MAP2K5: variants seen among roughly 807,000 people sequenced by gnomAD.
MAP2K5 encodes the protein mitogen-activated protein kinase kinase 5, also known as dual specificity mitogen-activated protein kinase kinase 5.
Under a neutral mutation model 83.1 loss-of-function variants are expected in MAP2K5, and 49 were observed. The observed-to-expected ratio is 0.59, with a 90% CI of 0.47 to 0.75. The LOEUF (loss-of-function observed/expected upper bound fraction) is 0.75, where lower values mean the gene tolerates loss of function less well. Ranked by LOEUF, MAP2K5 falls within the 30% of genes least tolerant of loss-of-function variation. The pLI is 0.00. For synonymous variants in MAP2K5, 202 were observed against 191.8 expected, an observed-to-expected ratio of 1.05 and a Z score of -0.44; for missense variants, 457 against 557.5, an observed-to-expected ratio of 0.82 and a Z score of 1.82.
chr15:67,624,145 C>G (rs987198920), intron 8 of MAP2K5, among the ~76,000 whole-genome samples: 1 of 151,360 alleles, frequency 6.6e-6, no homozygotes, highest in Admixed American at 6.6e-5. Flanking sequence ...CGAGACCATC[C>G]TGGCTAACAC....
chr15:67,731,009 A>C (rs760773879), intron 17 of MAP2K5, among the ~76,000 whole-genome samples: 1 of 152,206 alleles, frequency 6.6e-6, no homozygotes, highest in African/African-American at 2.4e-5. Flanking sequence ...ATCAAATGAG[A>C]CTATGGATAT....
rs2090109721 is a variant in MAP2K5, at chr15:67,769,876, T to G, written c.1196+213T>G. 4.5e-6 allele frequency: 2 copies of G among 444,766 alleles called. No individual in the cohort carries two copies. The highest frequency in any genetic ancestry group is 7.9e-5 in the Admixed American group (2 of 25,232). 27.6% of individuals were successfully genotyped at this position (444,766 alleles called of 1,614,324 possible). A position where few individuals can be genotyped will look rare whatever the true frequency, so the allele number is the denominator to read the frequency against. On this transcript the variant is annotated intron_variant, in intron 20 of 21. Transcript: ENST00000178640. This position sits in a 1 kb window ranked among gnomAD's most constrained non-coding sequence, Gnocchi z 5.2. ...GGGTCATAAGCATACTTCAGAGCCT[T>G]TTTCCTGATTTAATAAACTGCTGAA...
chr15:67,656,872 C>G (rs1169823007), intron 11 of MAP2K5, among the ~76,000 whole-genome samples: 1 of 152,066 alleles, frequency 6.6e-6, no homozygotes, highest in Non-Finnish European at 1.5e-5. Flanking sequence ...AAAATTAAAC[C>G]AACCCCTTCT....
intron 8 of MAP2K5, among the ~76,000 whole-genome samples, chr15:67,624,618 TGTGTGTGTGTGTGTGTGTGTGA>T (rs2086270199): frequency 1.3e-5 from 2 of 150,824 alleles, no homozygotes; most frequent in Admixed American, 1.3e-4. Context: ...TGTGTGTGTG[TGTGTGTGTGTGTGTGTGTGTGA>T]GTGTGTTTGA....
chr15:67,643,596 G>A (rs950647449), intron 9 of MAP2K5, among the ~76,000 whole-genome samples: 1 of 152,046 alleles, frequency 6.6e-6, no homozygotes, highest in African/African-American at 2.4e-5. Context: ...ACAGGTGCCC[G>A]CCACCACACC....
intron 8 of MAP2K5, among the ~76,000 whole-genome samples, chr15:67,602,548 T>C (rs2085683015): frequency 6.6e-6 from 1 of 152,218 alleles, no homozygotes. Context: ...AGCTTATTTC[T>C]AGAAGGGAAG....
intron 11 of MAP2K5, among the ~76,000 whole-genome samples, chr15:67,655,448 A>G (rs985903740): frequency 1.3e-5 from 2 of 152,172 alleles, no homozygotes; most frequent in African/African-American, 4.8e-5. Flanking sequence ...ATTTGAGAGT[A>G]TCTTAATTTC....
chr15:67,543,517 G>T lies in MAP2K5; in HGVS notation c.135+47G>T, dbSNP rs1345563512. 1 of 1,610,698 alleles carries T rather than the reference G, an allele frequency of 6.2e-7. No individual in the cohort carries two copies. Among genetic ancestry groups the T allele is most frequent in the South Asian group, 1.1e-5 (1 of 90,892 alleles). Reference sequence around the variant, plus strand: ...CGGATGCCAGCAAGGGGGACTCAGGGACTTGAGTAGTCAGCACCTTGACCA... The same window carrying T: ...CGGATGCCAGCAAGGGGGACTCAGGTACTTGAGTAGTCAGCACCTTGACCA... On this transcript the variant is annotated intron_variant, in intron 1 of 21. Transcript: ENST00000178640. This position sits in a 1 kb window ranked among gnomAD's most constrained non-coding sequence, Gnocchi z 4.3.
chr15:67,648,939 T>G (rs1163097129), intron 11 of MAP2K5, among the ~76,000 whole-genome samples: 1 of 152,204 alleles, frequency 6.6e-6, no homozygotes, highest in Non-Finnish European at 1.5e-5. Context: ...ATATGGTAGC[T>G]TTATGTTTAA....
chr15:67,692,413 C>CT, intron 13 of MAP2K5, 66 bp from the exon 14 acceptor site: 1 of 1,125,124 alleles, frequency 8.9e-7, no homozygotes, highest in Non-Finnish European at 1.4e-6. Context: ...TGCATGTGTG[C>CT]TTTTAAAGAA....
intron 9 of MAP2K5, among the ~76,000 whole-genome samples, chr15:67,635,440 G>A (rs2086582354): frequency 1.3e-5 from 2 of 152,206 alleles, no homozygotes; most frequent in East Asian, 1.9e-4. Flanking sequence ...CTCCCAAAGT[G>A]CAGGGATTAC....
rs1233241532 is a variant in MAP2K5, at chr15:67,774,726, T to C, written c.1242+1974T>C. Among the ~76,000 whole-genome samples the C allele has an allele frequency of 6.6e-6, 1 of 152,232 alleles. No homozygotes were observed. The highest frequency in any genetic ancestry group is 1.5e-5 in the Non-Finnish European group (1 of 68,036). ...TGGAAGCCGAGAGACTCCTCTGGAA[T>C]GCATGAACTATAGAGCCCATTTGTC... On this transcript the variant is annotated intron_variant, in intron 21 of 21. Transcript: ENST00000178640. The surrounding 1 kb of genome is among the most constrained non-coding windows in gnomAD (Gnocchi z 4.9).
In MAP2K5 at chr15:67,748,386, C is replaced by A; in HGVS notation, c.1101+129C>A. The A allele has an allele frequency of 1.1e-6, 1 of 884,900 alleles. No individual in the cohort carries two copies. The highest frequency in any genetic ancestry group is 1.8e-6 in the Non-Finnish European group (1 of 549,014). The allele number at this position is 884,900 out of a possible 1,614,324, so 54.8% of individuals were successfully genotyped here. On this transcript the variant is annotated intron_variant, in intron 18 of 21. Coordinates refer to ENST00000178640, the MANE Select transcript of MAP2K5 (RefSeq NM_145160.3). This position sits in a 1 kb window ranked among gnomAD's most constrained non-coding sequence, Gnocchi z 4.0. ...GAAGAAAATGCAAACCTTTAACTGC[C>A]TGTATTAGATTAGGTACCATTAGAA... is the stretch of plus-strand genomic sequence containing the variant.
At chr15:67,604,526 TTAGC>T (rs2085735424) in intron 8 of MAP2K5, among the ~76,000 whole-genome samples, 2 of 152,216 alleles carry the variant, frequency 1.3e-5, no homozygotes, top group South Asian at 4.1e-4. Flanking sequence ...CTGTCACTAA[TTAGC>T]TACGTAACCT....
chr15:67,754,300 T>A (rs1308333494), intron 19 of MAP2K5, among the ~76,000 whole-genome samples: 1 of 152,236 alleles, frequency 6.6e-6, no homozygotes, highest in Non-Finnish European at 1.5e-5. Context: ...AGCAAAGAGT[T>A]TCTCTGTGAT....
In MAP2K5 at chr15:67,782,166, C is replaced by T. The variant is rs1286081919; in HGVS notation, c.1242+9414C>T. Among the ~76,000 whole-genome samples, 1 of 152,182 alleles carries T rather than the reference C, an allele frequency of 6.6e-6. No homozygotes were observed. Among genetic ancestry groups the T allele is most frequent in the East Asian group, 1.9e-4 (1 of 5,198 alleles). ...AGCTGGTAGTAGATAAGAAAATGTT[C>T]CTTTCACAAAGAGGCAGTGTCTCCC... On this transcript the variant is annotated intron_variant, in intron 21 of 21. Transcript: ENST00000178640. This position sits in a 1 kb window ranked among gnomAD's most constrained non-coding sequence, Gnocchi z 4.9.
chr15:67,753,805 A>T (rs1237389183), intron 19 of MAP2K5, among the ~76,000 whole-genome samples: 4 of 152,248 alleles, frequency 2.6e-5, no homozygotes, highest in African/African-American at 9.6e-5. Flanking sequence ...GCCATTCATC[A>T]AAAAGCTAAA....
chr15:67,773,994 A>G (rs17303860), intron 21 of MAP2K5, among the ~76,000 whole-genome samples: 11,364 of 152,298 alleles, frequency 0.075, 577 homozygotes, highest in Non-Finnish European at 0.098. Flanking sequence ...GCATGTTTCA[A>G]TGCTGCAATG....
intron 6 of MAP2K5, among the ~76,000 whole-genome samples, chr15:67,590,446 C>CCTCTCTCTCTCTCT (rs57701485): frequency 1.3e-4 from 4 of 30,544 alleles, no homozygotes; most frequent in Admixed American, 4.2e-4. Flanking sequence ...TCCCTCCCTC[C>CCTCTCTCTCTCTCT]CTCTCTCTCT....
Sources: allele counts gnomAD v4.1 joint callset (sites outside exome capture counted in the v4.1 genomes callset), GRCh38; gene constraint gnomAD v4.1.1; non-coding constraint Gnocchi (gnomAD v3.1); transcripts MANE v1.5; gene names NCBI Gene and HGNC (gene_info 2026-07-23, HGNC 2026-07-21).